Variants in TDRD12 observed in about 807,000 individuals in gnomAD.
TDRD12 encodes the protein putative ATP-dependent RNA helicase TDRD12.
TDRD12 carries 158 observed loss-of-function variants against 133.5 expected under a neutral mutation model. The observed-to-expected ratio is 1.18, with a 90% confidence interval of 1.04 to 1.35. The LOEUF (loss-of-function observed/expected upper bound fraction) is 1.35, where lower values mean the gene tolerates loss of function less well. Among genes scored for constraint, TDRD12 ranks in the 40% most tolerant of loss-of-function variants. TDRD12 has a pLI of 0.00. For missense variants in TDRD12, 1,443 were observed against 1,321.3 expected, an observed-to-expected ratio of 1.09 and a Z score of -1.43; for synonymous variants, 460 against 477.9, an observed-to-expected ratio of 0.96 and a Z score of 0.49.
intron 13 of TDRD12, among the ~76,000 whole-genome samples, chr19:32,793,152 C>T (rs931891881): frequency 6.6e-6 from 1 of 151,842 alleles, no homozygotes; most frequent in Admixed American, 6.6e-5. Context: ...TGCCACTGCA[C>T]TCCAGCCTGG....
intron 9 of TDRD12, among the ~76,000 whole-genome samples, 197 bp downstream of exon 9, chr19:32,773,047 G>T (rs1258626033): frequency 6.6e-6 from 1 of 152,200 alleles, no homozygotes; most frequent in Non-Finnish European, 1.5e-5. Flanking sequence ...GCTTCTTCAT[G>T]TCGAGCTCTT....
chr19:32,722,681 T>A (rs1051708064), intron 1 of TDRD12, among the ~76,000 whole-genome samples: 594 of 28,298 alleles, frequency 0.021, 3 homozygotes, highest in African/African-American at 0.14. Flanking sequence ...TAAAAAAAAT[T>A]TTTTTTTTTT....
chr19:32,822,272 A>T (rs988707848), downstream of TDRD12, among the ~76,000 whole-genome samples: 1 of 152,064 alleles, frequency 6.6e-6, no homozygotes, highest in Non-Finnish European at 1.5e-5. Flanking sequence ...TCTACTAAAA[A>T]CACAAAAATA....
rs1215381762 is a variant in TDRD12, at chr19:32,721,995, C to T, written c.24+1899C>T. 2.6e-5 allele frequency among the ~76,000 whole-genome samples: 4 copies of T among 152,102 alleles called. No individual in the cohort carries two copies. The East Asian group carries it at 7.7e-4, about 29-fold the overall frequency. On this transcript the variant is annotated intron_variant, in intron 1 of 27. Transcript: ENST00000444215. ...CTTCCCAAAGTGCTGGGATTACAGG[C>T]GTGAGCCACCACGCCCGGCCGGTGC...
intron 1 of TDRD12, among the ~76,000 whole-genome samples, chr19:32,725,133 C>T (rs1417407367): frequency 3.3e-5 from 5 of 152,008 alleles, no homozygotes; most frequent in African/African-American, 9.7e-5. Context: ...GGAAAGATTG[C>T]AAAAATTTTC....
chr19:32,770,699 C>T (rs997488016), intron 8 of TDRD12, among the ~76,000 whole-genome samples: 2 of 152,088 alleles, frequency 1.3e-5, no homozygotes, highest in South Asian at 2.1e-4. Flanking sequence ...GTTATTTCAC[C>T]TTTCTGTGCT....
intron 9 of TDRD12, among the ~76,000 whole-genome samples, 179 bp from the exon 10 acceptor site, chr19:32,773,277 A>G (rs532991073): frequency 1.9e-4 from 29 of 152,314 alleles, no homozygotes; most frequent in African/African-American, 7.0e-4. Flanking sequence ...TGTAGTGGTT[A>G]TAGCGCTGGC....
chr19:32,802,382 A>G (rs1472706183), intron 19 of TDRD12, among the ~76,000 whole-genome samples: 2 of 151,690 alleles, frequency 1.3e-5, no homozygotes, highest in Non-Finnish European at 2.9e-5. Context: ...TTAAAAATAT[A>G]AAAGTCAAAA....
intron 6 of TDRD12, among the ~76,000 whole-genome samples, chr19:32,753,081 C>T (rs547888905): frequency 1.3e-5 from 2 of 152,150 alleles, no homozygotes; most frequent in East Asian, 1.9e-4. Flanking sequence ...CGTGAGCCAC[C>T]GCGCCCGGCC....
intron 2 of TDRD12, among the ~76,000 whole-genome samples, chr19:32,738,630 A>T (rs1285670476): frequency 6.6e-6 from 1 of 152,178 alleles, no homozygotes; most frequent in African/African-American, 2.4e-5. Context: ...CTTATCCAAC[A>T]TGGTGAAACC....
intron 11 of TDRD12, among the ~76,000 whole-genome samples, chr19:32,786,530 C>T (rs1378062885): frequency 6.6e-6 from 1 of 152,188 alleles, no homozygotes; most frequent in East Asian, 1.9e-4. Flanking sequence ...TCTAACTTGG[C>T]ACCATTCTCC....
intron 4 of TDRD12, among the ~76,000 whole-genome samples, chr19:32,746,978 C>G (rs1333420889): frequency 8.6e-6 from 1 of 116,410 alleles, no homozygotes; most frequent in Non-Finnish European, 1.7e-5. Flanking sequence ...GGTGGTTATT[C>G]TGTGAGAGAG....
Position 32,794,612 on chromosome 19 carries a change from T to G in TDRD12, c.1288-16T>G, listed in dbSNP as rs1599595247. ...TCTCTACCTTATTTTGGTTTCTGGT[T>G]GTTTCTGTTTTGTAGGCTCTTCAAA... On this transcript the variant is annotated splice_polypyrimidine_tract_variant and intron_variant, in intron 13 of 27. Transcript: ENST00000444215. 2.9e-6 allele frequency: 2 copies of G among 698,500 alleles called. No homozygotes were observed. The highest frequency in any genetic ancestry group is 3.0e-5 in the South Asian group (2 of 67,176). 43.3% of individuals were successfully genotyped at this position (698,500 alleles called of 1,614,324 possible). A position where few individuals can be genotyped will look rare whatever the true frequency, so the allele number is the denominator to read the frequency against.
intron 3 of TDRD12, among the ~76,000 whole-genome samples, chr19:32,739,695 ACTCTCTGCATCTCCTGGGTACT>A (rs1452678049): frequency 0.031 from 1,864 of 59,620 alleles, 49 homozygotes; most frequent in Non-Finnish European, 0.04. Context: ...TCTCCTGGGT[ACTCTCTGCATCTCCTGGGTACT>A]CTCTGCATCT....
chr19:32,740,722 CAGA>C (rs776720646), intron 3 of TDRD12, among the ~76,000 whole-genome samples: 4 of 152,160 alleles, frequency 2.6e-5, no homozygotes, highest in Non-Finnish European at 4.4e-5. Context: ...CCTCTCTCCA[CAGA>C]AGGGGGGTTG....
At chr19:32,776,386 T>A (rs148620815) in intron 10 of TDRD12, among the ~76,000 whole-genome samples, 3 of 152,306 alleles carry the variant, frequency 2.0e-5, no homozygotes, top group South Asian at 4.1e-4. Flanking sequence ...TTGCTGTTGC[T>A]GGGTGCAGCC....
At chr19:32,801,106 C>T (rs73035338) in intron 18 of TDRD12, among the ~76,000 whole-genome samples, 16,157 of 151,554 alleles carry the variant, frequency 0.11, 1,084 homozygotes, top group Middle Eastern at 0.16. Context: ...GTGGCTCATG[C>T]CTGAATCCTA....
intron 22 of TDRD12, 132 bp from the exon 23 acceptor site, chr19:32,809,961 T>A (rs1272877063): frequency 1.9e-6 from 1 of 534,626 alleles, no homozygotes; most frequent in East Asian, 3.3e-5. Context: ...AGCTTCCTAG[T>A]TTTTTCTAAA....
rs148107326 is a variant in TDRD12, at chr19:32,737,533, T to A, written c.184-1323T>A. ...GTAGTTTATTTTTAAAACATTTTATTACTGTTATTTTTTTGAGACAGGGTC... is the reference window on the plus strand; with the variant it reads ...GTAGTTTATTTTTAAAACATTTTATAACTGTTATTTTTTTGAGACAGGGTC... On this transcript the variant is annotated intron_variant, in intron 2 of 27. Transcript: ENST00000444215. 1.4e-3 allele frequency among the ~76,000 whole-genome samples: 212 copies of A among 151,390 alleles called. 2 individuals carry two copies. The East Asian group carries it at 0.017, about 12-fold the overall frequency.
Sources: allele counts gnomAD v4.1 joint callset (sites outside exome capture counted in the v4.1 genomes callset), GRCh38; gene constraint gnomAD v4.1.1; transcripts MANE v1.5; gene names NCBI Gene and HGNC (gene_info 2026-07-23, HGNC 2026-07-21).